Variants in FREM3 observed in about 807,000 individuals in gnomAD.
The protein encoded by FREM3 is FRAS1-related extracellular matrix protein 3.
FREM3 carries 105 observed loss-of-function variants against 129.1 expected under a neutral mutation model. The observed-to-expected ratio is 0.81, with a 90% confidence interval of 0.69 to 0.96. FREM3 has a LOEUF of 0.96. FREM3 is among the 40% of genes least tolerant of loss of function. The pLI is 0.00. For missense variants in FREM3, 2,593 were observed against 2,666.3 expected, an observed-to-expected ratio of 0.97 and a Z score of 0.61; for synonymous variants, 1,014 against 1,044.9, an observed-to-expected ratio of 0.97 and a Z score of 0.57.
At chr4:143,612,829 G>A (rs1738785596) in intron 5 of FREM3, among the ~76,000 whole-genome samples, 1 of 152,142 alleles carries the variant, frequency 6.6e-6, no homozygotes, top group Non-Finnish European at 1.5e-5. Context: ...CAGATAAGAA[G>A]TTTTTGAAAA....
chr4:143,664,977 C>G (rs1049892520), intron 2 of FREM3, among the ~76,000 whole-genome samples: 1 of 151,496 alleles, frequency 6.6e-6, no homozygotes. Context: ...CCTGATTTTC[C>G]AGGTGCTGTC....
intron 7 of FREM3, among the ~76,000 whole-genome samples, chr4:143,579,560 A>C (rs1251919449): frequency 6.6e-6 from 1 of 152,194 alleles, no homozygotes; most frequent in Admixed American, 6.5e-5. Context: ...TTTATTGCTT[A>C]CTTGTACTAA....
At chr4:143,674,060 C>G (rs902053470) in intron 2 of FREM3, among the ~76,000 whole-genome samples, 1 of 152,182 alleles carries the variant, frequency 6.6e-6, no homozygotes, top group Non-Finnish European at 1.5e-5. Flanking sequence ...GATGCCTCGC[C>G]CTGCTTTGGC....
chr4:143,614,755 G>A (rs1276789935), intron 5 of FREM3, among the ~76,000 whole-genome samples: 6 of 152,190 alleles, frequency 3.9e-5, no homozygotes, highest in Non-Finnish European at 7.3e-5. Flanking sequence ...CAAGGCACGC[G>A]AAAGCTGATT....
intron 1 of FREM3, 62 bp downstream of exon 1, chr4:143,695,429 G>T: frequency 7.4e-7 from 1 of 1,358,090 alleles, no homozygotes; most frequent in East Asian, 2.5e-5. Context: ...TTTACACAAA[G>T]CTGAGAGATC....
chr4:143,700,582 G>T lies in FREM3; in HGVS notation c.94C>A (p.Arg32=). The T allele has an allele frequency of 6.7e-7, 1 of 1,491,494 alleles. No homozygotes were observed. Among genetic ancestry groups the T allele is most frequent in the Non-Finnish European group, 8.9e-7 (1 of 1,121,494 alleles). The allele number at this position is 1,491,494 out of a possible 1,614,324, so 92.4% of individuals were successfully genotyped here. The change falls in exon 1 of 8, where the codon CGG becomes AGG. Residue 32 remains arginine (R), a synonymous_variant. Coordinates refer to ENST00000329798, the MANE Select transcript of FREM3 (RefSeq NM_001168235.2). ...GGCTCGGTCCCAAGTGAGGATGCCC[G>T]TCCCTGCAGCGCGGGGCGACTCAAG... The part of the protein sequence containing the change: ...LLLSRPALQG[R]ASSLGTEPDP...
At chr4:143,661,061 T>C (rs1249113221) in intron 2 of FREM3, among the ~76,000 whole-genome samples, 2 of 152,212 alleles carry the variant, frequency 1.3e-5, no homozygotes, top group African/African-American at 4.8e-5. Context: ...CTTTTCCTAA[T>C]TGAATACCCT....
At chr4:143,591,621 C>T (rs1241653203) in intron 6 of FREM3, among the ~76,000 whole-genome samples, 1 of 152,142 alleles carries the variant, frequency 6.6e-6, no homozygotes, top group Non-Finnish European at 1.5e-5. Context: ...GTTATAATTT[C>T]TGTTCTTTTA....
intron 3 of FREM3, among the ~76,000 whole-genome samples, chr4:143,625,608 T>C (rs1427518757): frequency 6.6e-6 from 1 of 151,900 alleles, no homozygotes; most frequent in Non-Finnish European, 1.5e-5. Context: ...TAAAAAAGAG[T>C]GAATGGTGTC....
chr4:143,601,750 G>T (rs13121930), intron 6 of FREM3: 51,043 of 152,030 alleles, frequency 0.34, 9,884 homozygotes, highest in South Asian at 0.43. Context: ...GGCAGTGTGG[G>T]CCAGGGAGTC....
At chr4:143,671,299 A>G (rs1211938047) in intron 2 of FREM3, among the ~76,000 whole-genome samples, 1 of 152,184 alleles carries the variant, frequency 6.6e-6, no homozygotes, top group Non-Finnish European at 1.5e-5. Context: ...TAACCAAATT[A>G]TCTCCCTCTC....
intron 6 of FREM3, among the ~76,000 whole-genome samples, chr4:143,589,225 G>A (rs1738305839): frequency 6.6e-6 from 1 of 152,204 alleles, no homozygotes; most frequent in South Asian, 2.1e-4. Context: ...CTTTTGCTGT[G>A]CAGAAGTTCT....
At chr4:143,591,994 A>G (rs1167211288) in intron 6 of FREM3, among the ~76,000 whole-genome samples, 3 of 152,182 alleles carry the variant, frequency 2.0e-5, no homozygotes, top group Non-Finnish European at 4.4e-5. Context: ...CCATTATGTA[A>G]TGGCCTTCTT....
At chr4:143,637,036 TACAGCTC>T (rs1739243947) in intron 2 of FREM3, among the ~76,000 whole-genome samples, 1 of 152,188 alleles carries the variant, frequency 6.6e-6, no homozygotes, top group Admixed American at 6.5e-5. Context: ...ATTTAGCTTC[TACAGCTC>T]ACACCATAAT....
chr4:143,627,675 A>C lies in FREM3; in HGVS notation c.5361T>G (p.Asp1787Glu). 1.3e-6 allele frequency: 2 copies of C among 1,530,484 alleles called. No homozygotes were observed. Among genetic ancestry groups the C allele is most frequent in the Middle Eastern group, 1.7e-4 (1 of 5,976 alleles). 94.8% of individuals were successfully genotyped at this position (1,530,484 alleles called of 1,614,324 possible). Residue 1787 changes from aspartate to glutamate, a missense_variant, in exon 3 of 8, where the codon GAT becomes GAG. Physicochemically the swap from Asp to Glu is conservative, Grantham distance 45 (BLOSUM62 2). Around this residue, in one of 2 missense-constraint regions of FREM3, gnomAD observed 2,276 missense variants for 2,267.2 expected, o/e 1.00. Coordinates refer to ENST00000329798, the MANE Select transcript of FREM3 (RefSeq NM_001168235.2). ...TAAGGGTCACTTCTAAGAATGTGGA[A>C]TCTTCATCCACAATGTAGTACTCTT... The part of the protein sequence containing the change: ...LEKEYYIVDE[D>E]STFLEVTLTR...
intron 2 of FREM3, among the ~76,000 whole-genome samples, chr4:143,629,842 T>G (rs1739107106): frequency 6.6e-6 from 1 of 152,160 alleles, no homozygotes; most frequent in Admixed American, 6.5e-5. Flanking sequence ...TGCAGTCTGC[T>G]AGTCCAGTGC....
chr4:143,619,049 T>C (rs1738903322), intron 5 of FREM3, among the ~76,000 whole-genome samples: 1 of 152,194 alleles, frequency 6.6e-6, no homozygotes, highest in Admixed American at 6.5e-5. Flanking sequence ...AAAGTTGTTT[T>C]TCAGGAACTA....
At chr4:143,649,386 G>A (rs757891774) in intron 2 of FREM3, 1 of 152,100 alleles carries the variant, frequency 6.6e-6, no homozygotes, top group African/African-American at 2.4e-5. Flanking sequence ...GGAAACCTCT[G>A]CATTCCTCCT....
At chr4:143,578,905 C>A (rs1211358828) in intron 7 of FREM3, among the ~76,000 whole-genome samples, 2 of 152,110 alleles carry the variant, frequency 1.3e-5, no homozygotes, top group Non-Finnish European at 2.9e-5. Context: ...TTTGAGGCAA[C>A]TGGTGAAATT....
Sources: gnomAD v4.1 joint callset for allele counts (sites outside exome capture counted in the v4.1 genomes callset) on GRCh38, gnomAD v4.1.1 for gene constraint, gnomAD v4.1.1 regional missense constraint, MANE v1.5 for transcripts, NCBI Gene and HGNC (gene_info 2026-07-23, HGNC 2026-07-21) for gene names.